The following MVB12B variants were observed in gnomAD, a reference collection of about 807,000 sequenced individuals.
MVB12B encodes multivesicular body subunit 12B, also known as ESCRT-I complex subunit MVB12B.
Under a neutral mutation model 41.6 loss-of-function variants are expected in MVB12B, and 16 were observed. The observed-to-expected ratio is 0.38, with a 90% CI of 0.26 to 0.58. MVB12B has a LOEUF of 0.58. Among genes scored for constraint, MVB12B ranks in the 20% least tolerant of loss-of-function variants. The pLI is 0.62. For missense variants in MVB12B, 274 were observed against 380.2 expected, an observed-to-expected ratio of 0.72 and a Z score of 2.32; for synonymous variants, 133 against 139.7, an observed-to-expected ratio of 0.95 and a Z score of 0.34.
intron 7 of MVB12B, among the ~76,000 whole-genome samples, chr9:126,470,520 A>G (rs1833288565): frequency 6.6e-6 from 1 of 152,132 alleles, no homozygotes; most frequent in Admixed American, 6.5e-5. Context: ...ACTGCCCTGA[A>G]GGAGGAGGTG....
At chr9:126,344,624 G>A (rs371226556) in intron 2 of MVB12B, among the ~76,000 whole-genome samples, 15 of 152,344 alleles carry the variant, frequency 9.8e-5, no homozygotes, top group African/African-American at 3.6e-4. Context: ...GTTGGACACC[G>A]CTCTCCCTGC....
chr9:126,396,712 A>G (rs993413995), intron 6 of MVB12B: 2 of 985,404 alleles, frequency 2.0e-6, no homozygotes, highest in Non-Finnish European at 2.4e-6. Flanking sequence ...TATAAAGACA[A>G]TCTGGTCCTT....
intron 2 of MVB12B, among the ~76,000 whole-genome samples, chr9:126,364,623 T>C (rs1830114645): frequency 6.6e-6 from 1 of 152,262 alleles, no homozygotes; most frequent in Admixed American, 6.5e-5. Context: ...GTTGCCACTT[T>C]ACCTTAGACC....
rs568277227 is a variant in MVB12B, at chr9:126,489,601, C to T, written c.873+5569C>T. ...GATTCAGACATGCTCCATGATGGCG[C>T]GGGTGGCTGAAAGTGAAGGAAGCCG... On this transcript the variant is annotated intron_variant, in intron 9 of 9. Transcript: ENST00000361171. Among the ~76,000 whole-genome samples, 481 of 152,324 alleles carry T rather than the reference C, an allele frequency of 3.2e-3. 4 individuals carry two copies. The highest frequency in any genetic ancestry group is 0.011 in the African/African-American group (454 of 41,578).
rs537604402 is a variant in MVB12B, at chr9:126,415,289, C to T, written c.663-6565C>T. ...CAAAGAGTATTGGGTTAACTGACCA[C>T]GATTCCAAGCATGAAAATAAGGACT... On this transcript the variant is annotated intron_variant, in intron 6 of 9. Transcript: ENST00000361171. Among the ~76,000 whole-genome samples, 19 of 152,276 alleles carry T rather than the reference C, an allele frequency of 1.2e-4. No homozygotes were observed. In the South Asian group the frequency reaches 1.5e-3, roughly 12 times the overall value.
At chr9:126,488,427 T>C (rs568426531) in intron 9 of MVB12B, among the ~76,000 whole-genome samples, 2 of 150,330 alleles carry the variant, frequency 1.3e-5, no homozygotes, top group South Asian at 4.2e-4. Flanking sequence ...TGACCGTGCC[T>C]CCCGCTCGTC....
intron 8 of MVB12B, among the ~76,000 whole-genome samples, chr9:126,482,534 T>C (rs918725855): frequency 6.6e-6 from 1 of 152,050 alleles, no homozygotes; most frequent in Non-Finnish European, 1.5e-5. Flanking sequence ...CGCTGGCGCC[T>C]CTGCCGCCGT....
intron 9 of MVB12B, among the ~76,000 whole-genome samples, chr9:126,501,229 C>T (rs1293948825): frequency 6.6e-6 from 1 of 152,240 alleles, no homozygotes; most frequent in Non-Finnish European, 1.5e-5. Context: ...CAACCAGATG[C>T]TCAGTGATCG....
chr9:126,447,249 CT>C (rs72294122), intron 7 of MVB12B, among the ~76,000 whole-genome samples: 38,067 of 139,960 alleles, frequency 0.27, 5,468 homozygotes, highest in African/African-American at 0.4. Flanking sequence ...CCCCAGCCAC[CT>C]TTTTTTTTTT....
At chr9:126,452,116 C>G (rs574955506) in intron 7 of MVB12B, among the ~76,000 whole-genome samples, 1 of 152,280 alleles carries the variant, frequency 6.6e-6, no homozygotes, top group East Asian at 1.9e-4. Flanking sequence ...TACTTTTTCC[C>G]TAGGAGATGA....
chr9:126,397,279 G>T (rs2241011), intron 6 of MVB12B: 313,087 of 985,238 alleles, frequency 0.32, 50,713 homozygotes, highest in South Asian at 0.43. Flanking sequence ...AGTTCTCTCA[G>T]ATAAAGCAGA....
At chr9:126,396,497 T>C (rs1230679950) in intron 6 of MVB12B, 3 of 985,304 alleles carry the variant, frequency 3.0e-6, no homozygotes, top group Non-Finnish European at 3.6e-6. Context: ...CGTGGGTGAA[T>C]AGAGATGAAC....
intron 6 of MVB12B, among the ~76,000 whole-genome samples, chr9:126,411,699 T>A (rs1156775104): frequency 6.6e-6 from 1 of 152,204 alleles, no homozygotes; most frequent in Non-Finnish European, 1.5e-5. Flanking sequence ...TTGCGCATGG[T>A]GGTTTCTCCC....
At chr9:126,419,851 T>C (rs1183741105) in intron 6 of MVB12B, among the ~76,000 whole-genome samples, 1 of 152,166 alleles carries the variant, frequency 6.6e-6, no homozygotes, top group Non-Finnish European at 1.5e-5. Context: ...TCAGGGCCTG[T>C]GAATCTGTGT....
rs895502627 is a variant in MVB12B at position 126,376,970 on chromosome 9, G to C, written c.205-4094G>C. Among the ~76,000 whole-genome samples the C allele has an allele frequency of 2.7e-5, 4 of 147,336 alleles. No homozygotes were observed. The South Asian group carries it at 8.6e-4, about 32-fold the overall frequency. On this transcript the variant is annotated intron_variant, in intron 2 of 9. Coordinates refer to ENST00000361171, the MANE Select transcript of MVB12B (RefSeq NM_033446.3). The surrounding 1 kb of genome is among the most constrained non-coding windows in gnomAD (Gnocchi z 4.1). ...GGATCCTGGGGCTCTGCTCAGTATC[G>C]GCTGCCACGGGCCCCTTAGGTCACA...
At chr9:126,430,574 C>G (rs1025421889) in intron 7 of MVB12B, among the ~76,000 whole-genome samples, 3 of 141,820 alleles carry the variant, frequency 2.1e-5, no homozygotes, top group African/African-American at 7.5e-5. Context: ...GGAGGCTCCC[C>G]TCTTTTTTTT....
intron 1 of MVB12B, among the ~76,000 whole-genome samples, chr9:126,334,978 G>T (rs1257288495): frequency 6.6e-6 from 1 of 152,138 alleles, no homozygotes; most frequent in East Asian, 1.9e-4. Flanking sequence ...AATCTGTTTG[G>T]TAATCAAATG....
Position 126,486,169 on chromosome 9 carries a change from A to G in MVB12B, c.873+2137A>G, listed in dbSNP as rs1371618061. On this transcript the variant is annotated intron_variant, in intron 9 of 9. Coordinates refer to ENST00000361171, the MANE Select transcript of MVB12B (RefSeq NM_033446.3). This position sits in a 1 kb window ranked among gnomAD's most constrained non-coding sequence, Gnocchi z 4.7. The stretch of plus-strand genomic sequence containing the variant: ...AATCATAAAAACCAACCTGATTGTC[A>G]TATATAGATTTTTTTTTCTTTTTTT... Among the ~76,000 whole-genome samples, 3 of 152,174 alleles carry G rather than the reference A, an allele frequency of 2.0e-5. No individual in the cohort carries two copies. The highest frequency in any genetic ancestry group is 4.4e-5 in the Non-Finnish European group (3 of 68,038).
At chr9:126,433,291 A>C (rs1832378012) in intron 7 of MVB12B, among the ~76,000 whole-genome samples, 1 of 145,750 alleles carries the variant, frequency 6.9e-6, no homozygotes, top group Non-Finnish European at 1.5e-5. Flanking sequence ...CCCAGCCAGG[A>C]AAGGGGATAC....
Sources: gnomAD v4.1 joint callset for allele counts (sites outside exome capture counted in the v4.1 genomes callset) on GRCh38, gnomAD v4.1.1 for gene constraint, Gnocchi (gnomAD v3.1) non-coding constraint, MANE v1.5 for transcripts, NCBI Gene and HGNC (gene_info 2026-07-23, HGNC 2026-07-21) for gene names.